TIMM23B: variants seen among roughly 807,000 people sequenced by gnomAD.
The protein encoded by TIMM23B is mitochondrial import inner membrane translocase subunit Tim23B.
TIMM23B carries 27 observed loss-of-function variants against 27.3 expected under a neutral mutation model. The ratio of observed to expected loss-of-function variants is 0.99; its 90% CI spans 0.73 to 1.36. TIMM23B has a LOEUF of 1.36. Among genes scored for constraint, TIMM23B ranks in the 40% most tolerant of loss-of-function variants. The pLI is 0.00. For synonymous variants in TIMM23B, 73 were observed against 92.4 expected, an observed-to-expected ratio of 0.79 and a Z score of 1.21; for missense variants, 205 against 244.2, an observed-to-expected ratio of 0.84 and a Z score of 1.07.
At chr10:49,960,361 CATT>C (rs1158109254) in intron 6 of TIMM23B, among the ~76,000 whole-genome samples, 1 of 147,898 alleles carries the variant, frequency 6.8e-6, no homozygotes, top group African/African-American at 2.5e-5. Context: ...TGCTTTAATT[CATT>C]ATTTTTTATT....
At chr10:49,972,172 A>G (rs1291318524) in intron 6 of TIMM23B, among the ~76,000 whole-genome samples, 5 of 152,226 alleles carry the variant, frequency 3.3e-5, no homozygotes, top group African/African-American at 1.2e-4. Flanking sequence ...TTTTTCAGAT[A>G]TTCTGCTCTG....
chr10:49,959,413 C>T (rs1238827811), intron 6 of TIMM23B, among the ~76,000 whole-genome samples: 4 of 152,220 alleles, frequency 2.6e-5, no homozygotes, highest in South Asian at 2.1e-4. Context: ...GGGAGATAAA[C>T]ATGTTGCTGT....
intron 6 of TIMM23B, among the ~76,000 whole-genome samples, chr10:49,971,156 C>G (rs1840427191): frequency 6.6e-6 from 1 of 152,010 alleles, no homozygotes; most frequent in African/African-American, 2.4e-5. Context: ...CATCACCGCT[C>G]CCTAATCTCA....
At chr10:49,963,370 G>GTGAAA (rs1341913443) in intron 6 of TIMM23B, among the ~76,000 whole-genome samples, 1 of 152,028 alleles carries the variant, frequency 6.6e-6, no homozygotes. Context: ...GAATTGCCAG[G>GTGAAA]TGAAATGAAA....
At chr10:49,969,859 T>G (rs1223750716) in intron 6 of TIMM23B, among the ~76,000 whole-genome samples, 1 of 152,052 alleles carries the variant, frequency 6.6e-6, no homozygotes, top group Non-Finnish European at 1.5e-5. Context: ...TGGACTGTAC[T>G]GCTGCCATCT....
rs1481502864 is a variant in TIMM23B, at chr10:49,945,109, T to C, written c.165+19T>C. The C allele has an allele frequency of 1.9e-6, 3 of 1,610,624 alleles. No homozygotes were observed. In the African/African-American group the frequency reaches 4.0e-5, roughly 22 times the overall value. ...CGTGCAGGTAAGACTAAGATTTTACTAGTTTGGTGCATTATTTTACCATTT... is the reference window on the plus strand; with the variant it reads ...CGTGCAGGTAAGACTAAGATTTTACCAGTTTGGTGCATTATTTTACCATTT... On this transcript the variant is annotated intron_variant, in intron 2 of 6. Transcript: ENST00000651259.
chr10:49,966,781 C>T (rs1485231220), intron 6 of TIMM23B, among the ~76,000 whole-genome samples: 16 of 150,350 alleles, frequency 1.1e-4, no homozygotes, highest in Admixed American at 5.9e-4. Flanking sequence ...GGCAAGATCG[C>T]GCCACTGCAC....
chr10:49,950,957 C>T (rs1268394059), intron 2 of TIMM23B, among the ~76,000 whole-genome samples: 2 of 152,082 alleles, frequency 1.3e-5, no homozygotes, highest in African/African-American at 4.8e-5. Context: ...CACATTGAAT[C>T]TAGCATTTCT....
chr10:49,961,156 G>T (rs1839881892), intron 6 of TIMM23B, among the ~76,000 whole-genome samples: 1 of 151,116 alleles, frequency 6.6e-6, no homozygotes, highest in Non-Finnish European at 1.5e-5. Flanking sequence ...GGCTGAGGCG[G>T]GTGGATCCCC....
chr10:49,962,866 C>T (rs1189784771), intron 6 of TIMM23B, among the ~76,000 whole-genome samples: 1 of 149,452 alleles, frequency 6.7e-6, no homozygotes, highest in Non-Finnish European at 1.5e-5. Flanking sequence ...TACTTGCTAA[C>T]GTTTGCCAGT....
In TIMM23B at chr10:49,973,643, C is replaced by T. The variant is rs1293290525; in HGVS notation, c.*579C>T. 1 of 151,500 alleles carries T rather than the reference C, an allele frequency of 6.6e-6. No homozygotes were observed. The highest frequency in any genetic ancestry group is 1.5e-5 in the Non-Finnish European group (1 of 68,092). 9.4% of individuals were successfully genotyped at this position (151,500 alleles called of 1,614,324 possible). ...AGTGAGCTATGATCCTAACACTGCT[C>T]TCCAGCCTGGGTGACACACCAAGTT... On this transcript the variant is annotated 3_prime_UTR_variant, in exon 7 of 7. Coordinates refer to ENST00000651259, the MANE Select transcript of TIMM23B (RefSeq NM_001290117.2).
At chr10:49,967,410 G>A (rs1840211973) in intron 6 of TIMM23B, among the ~76,000 whole-genome samples, 2 of 152,114 alleles carry the variant, frequency 1.3e-5, no homozygotes, top group Non-Finnish European at 2.9e-5. Context: ...CAAAATTTAT[G>A]TCTGTGCCCT....
intron 2 of TIMM23B, among the ~76,000 whole-genome samples, chr10:49,945,525 C>T (rs1260843277): frequency 7.2e-5 from 11 of 152,120 alleles, no homozygotes; most frequent in Non-Finnish European, 1.0e-4. Flanking sequence ...GGACTACAGG[C>T]GCCCATCACC....
rs1236158212 is a variant in TIMM23B at position 49,952,196 on chromosome 10, C to T, written c.236C>T (p.Thr79Met). 61 of 1,605,644 alleles carry T rather than the reference C, an allele frequency of 3.8e-5. No homozygotes were observed. The highest frequency in any genetic ancestry group is 5.4e-5 in the African/African-American group (4 of 74,674). Reference sequence around the variant, plus strand: ...GGCAGATTTGAGCTGGCCTTCTTTACGATTGGAGGGTGTTGCATGACAGGT... The same window carrying T: ...GGCAGATTTGAGCTGGCCTTCTTTATGATTGGAGGGTGTTGCATGACAGGT... The part of the protein sequence containing the change: ...TWGRFELAFF[T>M]IGGCCMTGAA... The change falls in exon 3 of 7, where the codon ACG (threonine) becomes ATG (methionine). Residue 79 changes from threonine to methionine, a missense_variant. Thr to Met is a moderately conservative substitution (Grantham distance 81, BLOSUM62 -1). Transcript: ENST00000651259.
At chr10:49,947,250 T>G (rs1433453692) in intron 2 of TIMM23B, among the ~76,000 whole-genome samples, 1 of 152,178 alleles carries the variant, frequency 6.6e-6, no homozygotes, top group African/African-American at 2.4e-5. Context: ...GCACAAGTGG[T>G]AAAAAGAAAG....
chr10:49,951,596 G>A (rs1344291051), intron 2 of TIMM23B, among the ~76,000 whole-genome samples: 123 of 152,146 alleles, frequency 8.1e-4, no homozygotes, highest in African/African-American at 2.4e-3. Context: ...AGGGTCTATA[G>A]CTTTCTGAGA....
intron 2 of TIMM23B, among the ~76,000 whole-genome samples, chr10:49,945,488 G>T (rs1399574031): frequency 6.6e-6 from 1 of 152,032 alleles, no homozygotes; most frequent in Non-Finnish European, 1.5e-5. Context: ...TCAGGCCATC[G>T]TCCTGCCTCA....
At chr10:49,972,057 A>G (rs1314835904) in intron 6 of TIMM23B, among the ~76,000 whole-genome samples, 1 of 151,970 alleles carries the variant, frequency 6.6e-6, no homozygotes, top group Admixed American at 6.6e-5. Context: ...TTTATATTTA[A>G]TTGCTTCGAT....
At chr10:49,952,087 G>A (rs1190069552) in intron 2 of TIMM23B, 39 bp from the exon 3 acceptor site, 86 of 1,449,700 alleles carry the variant, frequency 5.9e-5, no homozygotes, top group Non-Finnish European at 6.9e-5. Flanking sequence ...TTTGTGTCTT[G>A]AGGGACACTC....
Sources: allele counts gnomAD v4.1 joint callset (sites outside exome capture counted in the v4.1 genomes callset), GRCh38; gene constraint gnomAD v4.1.1; transcripts MANE v1.5; gene names NCBI Gene and HGNC (gene_info 2026-07-23, HGNC 2026-07-21).